Variants in EGLN1 observed in about 807,000 individuals in gnomAD.
EGLN1 encodes egl nine homolog 1.
In EGLN1, 17 loss-of-function variants were observed where a neutral mutation model predicts 38.3. The ratio of observed to expected loss-of-function variants is 0.44; its 90% confidence interval spans 0.30 to 0.67. EGLN1 has a LOEUF of 0.67. EGLN1 is among the 30% of genes least tolerant of loss of function. EGLN1 has a pLI of 0.08. For missense variants in EGLN1, 477 were observed against 603.3 expected, an observed-to-expected ratio of 0.79 and a Z score of 2.19; for synonymous variants, 283 against 257.5, an observed-to-expected ratio of 1.10 and a Z score of -0.95.
chr1:231,412,604 C>G (rs1327831376), intron 1 of EGLN1, among the ~76,000 whole-genome samples: 1 of 152,144 alleles, frequency 6.6e-6, no homozygotes, highest in Non-Finnish European at 1.5e-5. Flanking sequence ...AAGGCGGTTC[C>G]ACTGGTAGAG....
chr1:231,401,045 T>A (rs1397631288), intron 1 of EGLN1, among the ~76,000 whole-genome samples: 1 of 152,128 alleles, frequency 6.6e-6, no homozygotes, highest in African/African-American at 2.4e-5. Flanking sequence ...AGTGAGACCC[T>A]ATCTCAAAAT....
intron 1 of EGLN1, among the ~76,000 whole-genome samples, chr1:231,417,061 A>T (rs1276217560): frequency 1.3e-5 from 2 of 152,220 alleles, no homozygotes; most frequent in East Asian, 3.8e-4. Context: ...TGAGATCAGG[A>T]TGCCAGCATG....
intron 2 of EGLN1, 140 bp downstream of exon 2, chr1:231,373,840 C>T: frequency 1.1e-6 from 1 of 909,252 alleles, no homozygotes; most frequent in Admixed American, 2.3e-5. Flanking sequence ...AAATCCACTC[C>T]TAATACCTGA....
intron 3 of EGLN1, chr1:231,369,618 G>A (rs1558377638): frequency 1.0e-6 from 1 of 984,458 alleles, no homozygotes. Context: ...TTAGGATGCA[G>A]GCAACACACC....
intron 1 of EGLN1, among the ~76,000 whole-genome samples, chr1:231,418,578 T>C (rs1455034339): frequency 6.6e-6 from 1 of 152,160 alleles, no homozygotes; most frequent in Non-Finnish European, 1.5e-5. Context: ...ATTAAGATTA[T>C]TGTGGCCAGG....
chr1:231,392,069 C>T (rs1345084951), intron 1 of EGLN1, among the ~76,000 whole-genome samples: 3 of 152,040 alleles, frequency 2.0e-5, no homozygotes, highest in Admixed American at 6.6e-5. Context: ...GGGCGGATCA[C>T]GAGGTCAGGA....
At position 231,373,685 on chromosome 1, in the gene EGLN1, T is replaced by C. The variant is rs1331932634; in HGVS notation, c.1011+295A>G. Among the ~76,000 whole-genome samples the C allele has an allele frequency of 7.9e-4, 27 of 34,296 alleles. No homozygotes were observed. The East Asian group carries it at 0.011, about 14-fold the overall frequency. The allele number at this position is 34,296 out of a possible 152,430, so 22.5% of individuals were successfully genotyped here. On this transcript the variant is annotated intron_variant, in intron 2 of 4. Coordinates refer to ENST00000366641, the MANE Select transcript of EGLN1 (RefSeq NM_022051.3). ...CCCTAACCTCGTGTGTGCGTGTGTG[T>C]GTGTGTGTGTGTGTGTGTATGTGTG...
chr1:231,373,901 T>C, intron 2 of EGLN1, 79 bp downstream of exon 2: 1 of 1,526,430 alleles, frequency 6.6e-7, no homozygotes, highest in Non-Finnish European at 9.1e-7. Context: ...GTGACAGTCT[T>C]ATCAGAAGTA....
intron 1 of EGLN1, among the ~76,000 whole-genome samples, chr1:231,389,397 T>C (rs1452988257): frequency 6.6e-6 from 1 of 151,784 alleles, no homozygotes; most frequent in Non-Finnish European, 1.5e-5. Flanking sequence ...GGGCGAACGT[T>C]GACAAAATGA....
intron 1 of EGLN1, among the ~76,000 whole-genome samples, chr1:231,383,602 G>T (rs1343436231): frequency 6.6e-6 from 1 of 152,162 alleles, no homozygotes; most frequent in African/African-American, 2.4e-5. Flanking sequence ...GAATCAATAT[G>T]GTGCCTTGAG....
intron 1 of EGLN1, among the ~76,000 whole-genome samples, chr1:231,417,044 G>A (rs915419954): frequency 6.6e-6 from 1 of 152,206 alleles, no homozygotes; most frequent in Admixed American, 6.5e-5. Context: ...TCTACAAGCT[G>A]AAAGTCTGAG....
intron 1 of EGLN1, among the ~76,000 whole-genome samples, chr1:231,406,335 C>T (rs1278826181): frequency 6.6e-6 from 1 of 152,002 alleles, no homozygotes; most frequent in Non-Finnish European, 1.5e-5. Flanking sequence ...GTGATAAAGA[C>T]TCTCAGTCTT....
intron 1 of EGLN1, among the ~76,000 whole-genome samples, chr1:231,416,647 T>C (rs574226506): frequency 7.7e-4 from 117 of 152,240 alleles, no homozygotes; most frequent in Middle Eastern, 3.4e-3. Flanking sequence ...ATTATAGGCG[T>C]GAGCCACTAA....
intron 4 of EGLN1, among the ~76,000 whole-genome samples, chr1:231,367,305 A>T (rs1482993105): frequency 6.6e-6 from 1 of 152,206 alleles, no homozygotes; most frequent in African/African-American, 2.4e-5. Flanking sequence ...AAGGATAATC[A>T]CAGAAAACTC....
At chr1:231,394,857 C>A (rs1319089898) in intron 1 of EGLN1, among the ~76,000 whole-genome samples, 2 of 152,074 alleles carry the variant, frequency 1.3e-5, no homozygotes, top group African/African-American at 4.8e-5. Context: ...GGCTAGGATG[C>A]GGGAAAGTAC....
intron 1 of EGLN1, among the ~76,000 whole-genome samples, chr1:231,378,070 C>T (rs1187968538): frequency 6.6e-6 from 1 of 151,988 alleles, no homozygotes; most frequent in Non-Finnish European, 1.5e-5. Flanking sequence ...TCCCTAGGTC[C>T]CTTGTGCTCT....
At chr1:231,378,259 C>T (rs1327563545) in intron 1 of EGLN1, among the ~76,000 whole-genome samples, 1 of 151,994 alleles carries the variant, frequency 6.6e-6, no homozygotes, top group African/African-American at 2.4e-5. Context: ...CCAACATAAC[C>T]CTATAAACCA....
chr1:231,414,500 A>T (rs1164440650), intron 1 of EGLN1, among the ~76,000 whole-genome samples: 3 of 152,128 alleles, frequency 2.0e-5, no homozygotes, highest in Non-Finnish European at 4.4e-5. Context: ...CTAAAGAAAC[A>T]AGAGAGGGTA....
Position 231,421,037 on chromosome 1 carries a change from G to A in EGLN1, c.852C>T (p.Asn284=). 4 of 1,614,126 alleles carry A rather than the reference G, an allele frequency of 2.5e-6. No individual in the cohort carries two copies. The highest frequency in any genetic ancestry group is 3.4e-6 in the Non-Finnish European group (4 of 1,180,030). ...SSMDDLIRHC[N]GKLGSYKING... Reference sequence around the variant, plus strand: ...TGATTTTGTAGCTGCCCAGCTTCCCGTTACAGTGGCGTATCAGGTCGTCCA... The same window carrying A: ...TGATTTTGTAGCTGCCCAGCTTCCCATTACAGTGGCGTATCAGGTCGTCCA... The change falls in exon 1 of 5, where the codon AAC becomes AAT. Residue 284 remains asparagine (N), a synonymous_variant. Coordinates refer to ENST00000366641, the MANE Select transcript of EGLN1 (RefSeq NM_022051.3). This position sits in a 1 kb window ranked among gnomAD's most constrained non-coding sequence, Gnocchi z 5.5.
Sources: gnomAD v4.1 joint callset for allele counts (sites outside exome capture counted in the v4.1 genomes callset) on GRCh38, gnomAD v4.1.1 for gene constraint, Gnocchi (gnomAD v3.1) non-coding constraint, MANE v1.5 for transcripts, NCBI Gene and HGNC (gene_info 2026-07-23, HGNC 2026-07-21) for gene names.